Variants in COL5A1 observed in about 807,000 individuals in gnomAD.
The protein encoded by COL5A1 is collagen type V alpha 1 chain.
Under a neutral mutation model 263.7 loss-of-function variants are expected in COL5A1, and 16 were observed. That is an observed-to-expected ratio of 0.06 (90% CI 0.04 to 0.09). COL5A1 has a LOEUF of 0.09. Among genes scored for constraint, COL5A1 ranks in the 10% least tolerant of loss-of-function variants. COL5A1 has a pLI of 1.00. For missense variants in COL5A1, 2,036 were observed against 2,540.5 expected, an observed-to-expected ratio of 0.80 and a Z score of 4.27; for synonymous variants, 1,012 against 1,004.5, an observed-to-expected ratio of 1.01 and a Z score of -0.14.
chr9:134,646,363 TC>T (rs1831475172), intron 1 of COL5A1, among the ~76,000 whole-genome samples: 1 of 151,888 alleles, frequency 6.6e-6, no homozygotes, highest in African/African-American at 2.4e-5. Flanking sequence ...AAACTGGCCT[TC>T]CCTCCTTCTC....
rs1285063749 is a variant in COL5A1 at position 134,696,134 on chromosome 9, C to G, written c.278-3775C>G. 6.6e-6 allele frequency among the ~76,000 whole-genome samples: 1 copy of G among 152,124 alleles called. No individual in the cohort carries two copies. The highest frequency in any genetic ancestry group is 6.5e-5 in the Admixed American group (1 of 15,274). ...TCATTTCCTATCCTCTGACCTCTTT[C>G]TGCCACCCTGCCCCACTGCCCCCTG... On this transcript the variant is annotated intron_variant, in intron 2 of 65. Coordinates refer to ENST00000371817, the MANE Select transcript of COL5A1 (RefSeq NM_000093.5). The surrounding 1 kb of genome is among the most constrained non-coding windows in gnomAD (Gnocchi z 4.3).
chr9:134,767,463 G>GGAGCACCAAGA, intron 24 of COL5A1, 109 bp downstream of exon 24: 2 of 1,043,392 alleles, frequency 1.9e-6, no homozygotes, highest in Non-Finnish European at 2.9e-6. Context: ...GTATATCTTG[G>GGAGCACCAAGA]TGCTCCCAAG....
At chr9:134,777,893 T>A (rs1243180083) in intron 27 of COL5A1, among the ~76,000 whole-genome samples, 1 of 152,252 alleles carries the variant, frequency 6.6e-6, no homozygotes, top group Non-Finnish European at 1.5e-5. Flanking sequence ...GATCAGACGC[T>A]GCTGAGCAGG....
At chr9:134,676,270 C>T (rs1227208109) in intron 1 of COL5A1, among the ~76,000 whole-genome samples, 1 of 152,064 alleles carries the variant, frequency 6.6e-6, no homozygotes, top group Non-Finnish European at 1.5e-5. Flanking sequence ...GATGACATTG[C>T]CATCTTTTAC....
At chr9:134,764,276 G>T (rs1836577568) in intron 20 of COL5A1, among the ~76,000 whole-genome samples, 1 of 130,560 alleles carries the variant, frequency 7.7e-6, no homozygotes, top group Admixed American at 7.7e-5. Flanking sequence ...GGCATTGTGG[G>T]GGGTCAAGGG....
At chr9:134,684,385 T>A (rs1832949224) in intron 1 of COL5A1, among the ~76,000 whole-genome samples, 1 of 152,210 alleles carries the variant, frequency 6.6e-6, no homozygotes, top group African/African-American at 2.4e-5. Flanking sequence ...CCCTGCCATG[T>A]CTTCAGCCAC....
At position 134,767,371 on chromosome 9, in the gene COL5A1, T is replaced by C; in HGVS notation, c.2232+17T>C. The C allele has an allele frequency of 6.2e-7, 1 of 1,613,158 alleles. No homozygotes were observed. Among genetic ancestry groups the C allele is most frequent in the East Asian group, 2.2e-5 (1 of 44,862 alleles). On this transcript the variant is annotated intron_variant, in intron 24 of 65. Coordinates refer to ENST00000371817, the MANE Select transcript of COL5A1 (RefSeq NM_000093.5). The stretch of plus-strand genomic sequence containing the variant: ...GGAGAAAAGGTAGGTGGGCCTGGGC[T>C]GTGTTGCAGGCCACTGCCCGCCTGC...
intron 42 of COL5A1, among the ~76,000 whole-genome samples, chr9:134,807,624 T>TTGTACGTTC (rs1395442028): frequency 6.6e-6 from 1 of 152,204 alleles, no homozygotes; most frequent in African/African-American, 2.4e-5. Flanking sequence ...CGTTTCACTC[T>TTGTACGTTC]CAGTGGCTCA....
chr9:134,680,941 CGGG>C lies in COL5A1; in HGVS notation c.110-9967_110-9965del, dbSNP rs1051271005. ...AGGTCTCCGCCTGGCACTGCAGCCTCGGGGGGCAGCGGGAGAGGCCGGGCCATC... is the reference window on the plus strand; with the variant it reads ...AGGTCTCCGCCTGGCACTGCAGCCTCGGGCAGCGGGAGAGGCCGGGCCATC... On this transcript the variant is annotated intron_variant, in intron 1 of 65. Coordinates refer to ENST00000371817, the MANE Select transcript of COL5A1 (RefSeq NM_000093.5). The surrounding 1 kb of genome is among the most constrained non-coding windows in gnomAD (Gnocchi z 5.9). 2.0e-5 allele frequency among the ~76,000 whole-genome samples: 3 copies of C among 152,152 alleles called. No homozygotes were observed. The highest frequency in any genetic ancestry group is 4.4e-5 in the Non-Finnish European group (3 of 68,018).
chr9:134,815,481 C>A, intron 50 of COL5A1, 95 bp from the exon 51 acceptor site: 1 of 1,238,814 alleles, frequency 8.1e-7, no homozygotes, highest in Non-Finnish European at 1.2e-6. Context: ...TGGACGGTGG[C>A]AGGTGGCCAT....
chr9:134,710,286 A>T (rs1267073751), intron 4 of COL5A1, among the ~76,000 whole-genome samples: 1 of 152,210 alleles, frequency 6.6e-6, no homozygotes, highest in Non-Finnish European at 1.5e-5. Context: ...GGCTGTTGTG[A>T]TGATGATGAT....
At chr9:134,796,978 G>A (rs908628547) in intron 36 of COL5A1, 77 bp downstream of exon 36, 1 of 1,383,924 alleles carries the variant, frequency 7.2e-7, no homozygotes, top group Non-Finnish European at 1.0e-6. Context: ...AAACCCGCCT[G>A]TTTTCTCTGA....
intron 46 of COL5A1, 109 bp downstream of exon 46, chr9:134,811,708 C>A: frequency 1.0e-6 from 1 of 975,492 alleles, no homozygotes; most frequent in Non-Finnish European, 1.6e-6. Flanking sequence ...TAAAGCCAGG[C>A]TGCAGGGGGC....
chr9:134,808,457 A>G (rs1288369685), intron 42 of COL5A1, among the ~76,000 whole-genome samples: 1 of 152,182 alleles, frequency 6.6e-6, no homozygotes, highest in African/African-American at 2.4e-5. Flanking sequence ...TATGCCTGCA[A>G]GCATGTCCTG....
At chr9:134,662,113 A>G (rs1275053929) in intron 1 of COL5A1, among the ~76,000 whole-genome samples, 2 of 151,498 alleles carry the variant, frequency 1.3e-5, no homozygotes, top group East Asian at 1.9e-4. Context: ...CTTTCTCCAT[A>G]AAATGTGATG....
rs149513261 is a variant in COL5A1, at chr9:134,698,705, G to A, written c.278-1204G>A. On this transcript the variant is annotated intron_variant, in intron 2 of 65. Coordinates refer to ENST00000371817, the MANE Select transcript of COL5A1 (RefSeq NM_000093.5). ...TGCCACAATTTCGCCAGCAGAGGGTGCTCATGGATAGCCGCCTTGCAGGCG... is the reference window on the plus strand; with the variant it reads ...TGCCACAATTTCGCCAGCAGAGGGTACTCATGGATAGCCGCCTTGCAGGCG... Among the ~76,000 whole-genome samples, 444 of 152,382 alleles carry A rather than the reference G, an allele frequency of 2.9e-3. 1 individual carries two copies. The highest frequency in any genetic ancestry group is 4.4e-3 in the Non-Finnish European group (299 of 68,034).
intron 1 of COL5A1, among the ~76,000 whole-genome samples, chr9:134,667,592 G>A (rs1588420057): frequency 6.6e-6 from 1 of 152,224 alleles, no homozygotes; most frequent in African/African-American, 2.4e-5. Flanking sequence ...CCAGCAGCAG[G>A]GCCACCTGCT....
intron 1 of COL5A1, among the ~76,000 whole-genome samples, chr9:134,689,608 T>C (rs1366935121): frequency 6.6e-6 from 1 of 152,174 alleles, no homozygotes; most frequent in Non-Finnish European, 1.5e-5. Flanking sequence ...CTGTTCTGTG[T>C]TTGGAGCCAG....
rs1056739029 is a variant in COL5A1 at position 134,670,285 on chromosome 9, C to T, written c.110-20627C>T. Among the ~76,000 whole-genome samples, 101 of 152,294 alleles carry T rather than the reference C, an allele frequency of 6.6e-4. 1 individual carries two copies. The highest frequency in any genetic ancestry group is 7.8e-4 in the Non-Finnish European group (53 of 68,022). On this transcript the variant is annotated intron_variant, in intron 1 of 65. Transcript: ENST00000371817. Reference sequence around the variant, plus strand: ...TGTCTCTCTGATTATTTCCTTAGGGCGGATTCTTAGACATTGACTCACTGC... The same window carrying T: ...TGTCTCTCTGATTATTTCCTTAGGGTGGATTCTTAGACATTGACTCACTGC...
Sources: allele counts gnomAD v4.1 joint callset (sites outside exome capture counted in the v4.1 genomes callset), GRCh38; gene constraint gnomAD v4.1.1; non-coding constraint Gnocchi (gnomAD v3.1); transcripts MANE v1.5; gene names NCBI Gene and HGNC (gene_info 2026-07-23, HGNC 2026-07-21).